GRXCR1: variants seen among roughly 807,000 people sequenced by gnomAD.
GRXCR1 encodes the protein glutaredoxin and cysteine rich domain containing 1.
Under a neutral mutation model 27.3 loss-of-function variants are expected in GRXCR1, and 27 were observed. The ratio of observed to expected loss-of-function variants is 0.99; its 90% CI spans 0.73 to 1.37. GRXCR1 has a LOEUF of 1.37. Ranked by LOEUF, GRXCR1 falls within the 40% of genes most tolerant of loss-of-function variation. The pLI is 0.00. For synonymous variants in GRXCR1, 122 were observed against 131.1 expected (o/e 0.93, Z 0.47); for missense variants, 379 against 354.4 (o/e 1.07, Z -0.56).
intron 1 of GRXCR1, among the ~76,000 whole-genome samples, chr4:42,929,486 T>C (rs573269474): frequency 1.3e-5 from 2 of 151,918 alleles, no homozygotes; most frequent in Non-Finnish European, 2.9e-5. Context: ...AGAGGAGAAA[T>C]ATGGCAGCCT....
At chr4:42,969,787 G>A (rs984572231) in intron 2 of GRXCR1, among the ~76,000 whole-genome samples, 2 of 152,022 alleles carry the variant, frequency 1.3e-5, no homozygotes, top group Non-Finnish European at 2.9e-5. Context: ...CAAATCTCAT[G>A]TCCTTCTCAC....
intron 3 of GRXCR1, among the ~76,000 whole-genome samples, chr4:43,028,572 T>C (rs1294965958): frequency 6.6e-6 from 1 of 152,230 alleles, no homozygotes. Context: ...TTTAATGTCA[T>C]AGCAATAGTG....
chr4:42,919,494 CTT>C (rs1300366154), intron 1 of GRXCR1, among the ~76,000 whole-genome samples: 2 of 152,114 alleles, frequency 1.3e-5, no homozygotes, highest in Non-Finnish European at 2.9e-5. Flanking sequence ...CGCTACAAAA[CTT>C]TATTCCTTTC....
rs115248843 is a variant in GRXCR1, at chr4:42,972,335, T to C, written c.627+9201T>C. ...AAGTCTCATGAACATTCAAATCTTC[T>C]TTTATTGTTTTGGATCTTATTTGGT... On this transcript the variant is annotated intron_variant, in intron 2 of 3. Coordinates refer to ENST00000399770, the MANE Select transcript of GRXCR1 (RefSeq NM_001080476.3). Among the ~76,000 whole-genome samples, 1,275 of 152,316 alleles carry C rather than the reference T, an allele frequency of 8.4e-3. 5 individuals are homozygous for C. The highest frequency in any genetic ancestry group is 0.038 in the South Asian group (181 of 4,824).
intron 2 of GRXCR1, among the ~76,000 whole-genome samples, chr4:42,992,675 A>T (rs1299994560): frequency 1.3e-5 from 2 of 152,080 alleles, no homozygotes; most frequent in Non-Finnish European, 2.9e-5. Context: ...TAGTAGCTTG[A>T]TCCAAGCATA....
intron 2 of GRXCR1, among the ~76,000 whole-genome samples, chr4:43,003,110 T>A (rs552333337): frequency 2.2e-4 from 34 of 152,296 alleles, no homozygotes; most frequent in Non-Finnish European, 4.6e-4. Flanking sequence ...GTAAGTTTTT[T>A]GAGGCCTCCT....
chr4:43,011,819 G>A (rs528846648), intron 2 of GRXCR1, among the ~76,000 whole-genome samples: 31 of 152,194 alleles, frequency 2.0e-4, no homozygotes, highest in African/African-American at 7.0e-4. Context: ...GATGACAGCT[G>A]GGGATGATGT....
intron 2 of GRXCR1, among the ~76,000 whole-genome samples, chr4:43,001,030 A>T (rs1342923514): frequency 1.6e-4 from 24 of 151,480 alleles, no homozygotes; most frequent in Admixed American, 1.4e-3. Flanking sequence ...GGGTTCAAGC[A>T]GTTCTCCTGC....
chr4:42,962,002 T>C (rs1748139473), intron 1 of GRXCR1, among the ~76,000 whole-genome samples: 1 of 152,006 alleles, frequency 6.6e-6, no homozygotes, highest in African/African-American at 2.4e-5. Context: ...CTGTTCAGTT[T>C]CCTTCAACTA....
At chr4:43,026,157 C>A (rs1290787718) in intron 3 of GRXCR1, among the ~76,000 whole-genome samples, 1 of 152,076 alleles carries the variant, frequency 6.6e-6, no homozygotes, top group Admixed American at 6.6e-5. Flanking sequence ...TGTCCGTGTT[C>A]TTTGGGAAAT....
At chr4:43,015,824 T>G (rs1014566747) in intron 2 of GRXCR1, among the ~76,000 whole-genome samples, 9 of 151,676 alleles carry the variant, frequency 5.9e-5, no homozygotes, top group African/African-American at 2.2e-4. Context: ...TATATGTGTA[T>G]ATATACATTA....
intron 1 of GRXCR1, among the ~76,000 whole-genome samples, chr4:42,924,685 G>A (rs1440368791): frequency 6.6e-6 from 1 of 152,024 alleles, no homozygotes; most frequent in Non-Finnish European, 1.5e-5. Flanking sequence ...GTTCCTGCCT[G>A]CCCTCCTAGA....
At chr4:43,011,382 G>C (rs1712745450) in intron 2 of GRXCR1, among the ~76,000 whole-genome samples, 1 of 152,130 alleles carries the variant, frequency 6.6e-6, no homozygotes, top group Non-Finnish European at 1.5e-5. Flanking sequence ...TGGGGGTATT[G>C]CCTCTGCTCC....
chr4:42,909,595 T>C (rs888496227), intron 1 of GRXCR1, among the ~76,000 whole-genome samples: 2 of 152,192 alleles, frequency 1.3e-5, no homozygotes, highest in Non-Finnish European at 2.9e-5. Flanking sequence ...AGGGTCATTA[T>C]TGTTATTTTC....
At chr4:42,996,445 C>T (rs1712164857) in intron 2 of GRXCR1, among the ~76,000 whole-genome samples, 1 of 152,110 alleles carries the variant, frequency 6.6e-6, no homozygotes. Context: ...TAACTTTGAC[C>T]TAAAGTTACT....
intron 2 of GRXCR1, among the ~76,000 whole-genome samples, chr4:43,008,101 A>T (rs1712622897): frequency 6.6e-6 from 1 of 152,114 alleles, no homozygotes; most frequent in South Asian, 2.1e-4. Flanking sequence ...TGGAATAAAA[A>T]CTTTTTAACG....
chr4:42,900,150 C>T (rs1746429704), intron 1 of GRXCR1, among the ~76,000 whole-genome samples: 1 of 152,104 alleles, frequency 6.6e-6, no homozygotes, highest in Non-Finnish European at 1.5e-5. Flanking sequence ...GTAATATAAA[C>T]ATTTAATAGT....
chr4:43,003,603 G>A (rs752513457), intron 2 of GRXCR1, among the ~76,000 whole-genome samples: 1 of 152,204 alleles, frequency 6.6e-6, no homozygotes, highest in African/African-American at 2.4e-5. Context: ...CTGGAGCAAA[G>A]GTCACTCTTG....
At chr4:42,982,067 T>TTA (rs969899874) in intron 2 of GRXCR1, among the ~76,000 whole-genome samples, 4 of 151,378 alleles carry the variant, frequency 2.6e-5, no homozygotes, top group Non-Finnish European at 5.9e-5. Context: ...TTTTTTTTTT[T>TTA]ATTATACTTT....
Sources: gnomAD v4.1 joint callset for allele counts (sites outside exome capture counted in the v4.1 genomes callset) on GRCh38, gnomAD v4.1.1 for gene constraint, MANE v1.5 for transcripts, NCBI Gene and HGNC (gene_info 2026-07-23, HGNC 2026-07-21) for gene names.